The following GRM8 variants were observed in gnomAD, a reference collection of about 807,000 sequenced individuals.
GRM8 encodes the protein glutamate metabotropic receptor 8, also known as metabotropic glutamate receptor 8.
In GRM8, 47 loss-of-function variants were observed where a neutral mutation model predicts 87.2. The observed-to-expected ratio is 0.54, with a 90% CI of 0.43 to 0.69. The LOEUF is 0.69. Among genes scored for constraint, GRM8 ranks in the 30% least tolerant of loss-of-function variants. The pLI, the probability that GRM8 is intolerant of heterozygous loss-of-function variation, is 0.00. For synonymous variants in GRM8, 396 were observed against 404.5 expected, an observed-to-expected ratio of 0.98 and a Z score of 0.25; for missense variants, 1,019 against 1,139.2, an observed-to-expected ratio of 0.89 and a Z score of 1.52.
At chr7:126,905,807 G>A (rs77507278) in intron 3 of GRM8, among the ~76,000 whole-genome samples, 1 of 152,298 alleles carries the variant, frequency 6.6e-6, no homozygotes, top group East Asian at 1.9e-4. Context: ...AGAAGAAGGA[G>A]TAACTAAAGT....
intron 7 of GRM8, among the ~76,000 whole-genome samples, chr7:126,690,065 G>A (rs930849380): frequency 3.3e-5 from 5 of 152,228 alleles, no homozygotes; most frequent in African/African-American, 1.2e-4. Flanking sequence ...AACTTCTTGT[G>A]TTGGAGCTGG....
At chr7:126,513,632 G>A (rs1719778999) in intron 9 of GRM8, among the ~76,000 whole-genome samples, 1 of 152,104 alleles carries the variant, frequency 6.6e-6, no homozygotes, top group African/African-American at 2.4e-5. Flanking sequence ...TGTTGACACA[G>A]CATACATTTC....
intron 8 of GRM8, among the ~76,000 whole-genome samples, chr7:126,579,983 C>A (rs1227425512): frequency 1.3e-5 from 2 of 151,492 alleles, no homozygotes; most frequent in Non-Finnish European, 1.5e-5. Flanking sequence ...AGAAAACGTG[C>A]TTATCCCATA....
intron 7 of GRM8, chr7:126,701,661 T>C (rs936782585): frequency 1.6e-5 from 7 of 451,384 alleles, no homozygotes; most frequent in Middle Eastern, 3.4e-4. Flanking sequence ...TCAAATAGTC[T>C]AGATAGTAAA....
At chr7:127,101,243 G>A (rs1825211773) in intron 3 of GRM8, among the ~76,000 whole-genome samples, 1 of 152,146 alleles carries the variant, frequency 6.6e-6, no homozygotes, top group Admixed American at 6.5e-5. Context: ...ATCAGGCCAA[G>A]ATTGTTATTG....
At chr7:126,463,067 G>A (rs1006167704) in intron 9 of GRM8, among the ~76,000 whole-genome samples, 3 of 148,132 alleles carry the variant, frequency 2.0e-5, no homozygotes, top group African/African-American at 7.8e-5. Flanking sequence ...ATGTGAACAA[G>A]ATGATAAATG....
chr7:127,109,524 A>G (rs561002422), intron 2 of GRM8, among the ~76,000 whole-genome samples: 71 of 152,262 alleles, frequency 4.7e-4, no homozygotes, highest in Non-Finnish European at 8.8e-4. Flanking sequence ...GCTCTCCTCT[A>G]TCTAATGATC....
intron 7 of GRM8, among the ~76,000 whole-genome samples, chr7:126,681,592 AG>A (rs1033299445): frequency 6.6e-6 from 1 of 152,246 alleles, no homozygotes; most frequent in Non-Finnish European, 1.5e-5. Flanking sequence ...TGGAGATTTG[AG>A]GGTTCTCCTT....
At chr7:126,759,182 C>T (rs1817331131) in intron 7 of GRM8, among the ~76,000 whole-genome samples, 1 of 151,974 alleles carries the variant, frequency 6.6e-6, no homozygotes, top group Admixed American at 6.6e-5. Flanking sequence ...CAAGCATAAG[C>T]CACAGCGCCC....
At chr7:126,914,251 T>C (rs921717002) in intron 3 of GRM8, among the ~76,000 whole-genome samples, 1 of 152,130 alleles carries the variant, frequency 6.6e-6, no homozygotes, top group African/African-American at 2.4e-5. Flanking sequence ...AGAATGACTA[T>C]TATTAAAAGT....
rs540145850 is a variant in GRM8, at chr7:127,051,177, G to A, written c.727+55319C>T. On this transcript the variant is annotated intron_variant, in intron 3 of 10. Coordinates refer to ENST00000339582, the MANE Select transcript of GRM8 (RefSeq NM_000845.3). ...GCTCTGAAAGGTGGTCCCCACTTGG[G>A]ATTTGTTAAAATGCAAACACCTGGG... Among the ~76,000 whole-genome samples, 6 of 152,302 alleles carry A rather than the reference G, an allele frequency of 3.9e-5. No homozygotes were observed. In the South Asian group the frequency reaches 1.2e-3, roughly 32 times the overall value.
At chr7:126,811,577 CT>C (rs1436060587) in intron 6 of GRM8, among the ~76,000 whole-genome samples, 1 of 151,990 alleles carries the variant, frequency 6.6e-6, no homozygotes, top group African/African-American at 2.4e-5. Context: ...ACATCGTTCA[CT>C]TCCTTGGTTA....
intron 2 of GRM8, among the ~76,000 whole-genome samples, chr7:127,182,681 G>A (rs1794531799): frequency 1.6e-5 from 2 of 128,172 alleles, no homozygotes; most frequent in African/African-American, 6.0e-5. Context: ...GTGTGTGTGT[G>A]TATAGACAGA....
chr7:126,813,060 G>A (rs1793448626), intron 6 of GRM8, among the ~76,000 whole-genome samples: 1 of 151,876 alleles, frequency 6.6e-6, no homozygotes, highest in Non-Finnish European at 1.5e-5. Context: ...TAACTAAAGG[G>A]AACTAAGCTT....
intron 6 of GRM8, among the ~76,000 whole-genome samples, chr7:126,836,412 T>C (rs1795832346): frequency 6.6e-6 from 1 of 152,214 alleles, no homozygotes; most frequent in Admixed American, 6.5e-5. Context: ...AGGTGGATCA[T>C]GCCATTCTCC....
intron 2 of GRM8, among the ~76,000 whole-genome samples, chr7:127,124,860 T>C (rs1827276879): frequency 1.3e-5 from 2 of 152,080 alleles, no homozygotes; most frequent in Non-Finnish European, 2.9e-5. Context: ...AGGAATGTAA[T>C]CAATTCACCA....
intron 2 of GRM8, among the ~76,000 whole-genome samples, chr7:127,177,077 G>A (rs948655250): frequency 3.3e-5 from 5 of 152,228 alleles, no homozygotes; most frequent in East Asian, 1.9e-4. Flanking sequence ...CTTTTCTTTC[G>A]CAGCTGGGAG....
chr7:126,959,865 G>A (rs900949000), intron 3 of GRM8, among the ~76,000 whole-genome samples: 1 of 152,128 alleles, frequency 6.6e-6, no homozygotes, highest in Non-Finnish European at 1.5e-5. Flanking sequence ...CTTGTTAGCT[G>A]CATGGCACTG....
intron 8 of GRM8, among the ~76,000 whole-genome samples, chr7:126,558,955 C>A (rs1418660407): frequency 2.0e-5 from 3 of 152,066 alleles, no homozygotes; most frequent in Non-Finnish European, 2.9e-5. Context: ...CTAGGTGGAG[C>A]AATAGCAGCT....
Sources: gnomAD v4.1 joint callset for allele counts (sites outside exome capture counted in the v4.1 genomes callset) on GRCh38, gnomAD v4.1.1 for gene constraint, MANE v1.5 for transcripts, NCBI Gene and HGNC (gene_info 2026-07-23, HGNC 2026-07-21) for gene names.